The following RYR1 variants were observed in gnomAD, a reference collection of about 807,000 sequenced individuals.
RYR1 encodes the protein central core disease of muscle.
A neutral mutation model predicts 583.5 loss-of-function variants in RYR1; 342 were observed. That is an observed-to-expected ratio of 0.59 (90% CI 0.54 to 0.64). The LOEUF (loss-of-function observed/expected upper bound fraction) is 0.64. RYR1 is among the 30% of genes least tolerant of loss of function. The probability of loss-of-function intolerance (pLI) is 0.00; values close to 1 mark genes in which losing one functional copy is unlikely to be tolerated. For synonymous variants in RYR1, 2,791 were observed against 2,822.5 expected (o/e 0.99, Z 0.35); for missense variants, 6,032 against 6,917.2 (o/e 0.87, Z 4.54).
intron 26 of RYR1, 34 bp from the exon 27 acceptor site, chr19:38,469,271 C>T (rs1405320754): frequency 6.2e-7 from 1 of 1,611,410 alleles, no homozygotes; most frequent in Admixed American, 1.7e-5. Context: ...TGCCCACCTG[C>T]CCTCACCCCT....
At chr19:38,503,459 C>T (rs537061706) in intron 49 of RYR1, among the ~76,000 whole-genome samples, 21 of 152,262 alleles carry the variant, frequency 1.4e-4, no homozygotes, top group African/African-American at 5.1e-4. Flanking sequence ...CATAATACAT[C>T]GAAATCAGCT....
At chr19:38,535,670 GCT>G in intron 81 of RYR1, 1 of 594,456 alleles carries the variant, frequency 1.7e-6, no homozygotes, top group Non-Finnish European at 3.0e-6. Context: ...AGATTTAGGA[GCT>G]CTCTGATGAT....
chr19:38,566,793 A>G, intron 91 of RYR1, 118 bp from the exon 92 acceptor site: 21 of 1,517,506 alleles, frequency 1.4e-5, no homozygotes, highest in Non-Finnish European at 1.9e-5. Context: ...GGTGGAGGGA[A>G]GTGTAAAACT....
intron 28 of RYR1, 136 bp downstream of exon 28, chr19:38,473,907 A>C: frequency 1.5e-6 from 1 of 666,772 alleles, no homozygotes; most frequent in South Asian, 2.0e-5. Context: ...GAATACCGAG[A>C]GATTCTATCA....
At chr19:38,495,608 A>G (rs1160727487) in intron 39 of RYR1, among the ~76,000 whole-genome samples, 2 of 152,030 alleles carry the variant, frequency 1.3e-5, no homozygotes, top group Non-Finnish European at 2.9e-5. Flanking sequence ...TGGCCTCCCA[A>G]AGGGCTGGAA....
intron 88 of RYR1, among the ~76,000 whole-genome samples, chr19:38,547,268 G>T (rs1464819727): frequency 6.7e-6 from 1 of 150,340 alleles, no homozygotes; most frequent in Non-Finnish European, 1.5e-5. Context: ...GGTCAGGATG[G>T]TCTGGATCTC....
chr19:38,477,897 GTGCA>G, intron 30 of RYR1, 27 bp downstream of exon 30: 2 of 1,483,094 alleles, frequency 1.3e-6, no homozygotes, highest in Non-Finnish European at 9.3e-7. Flanking sequence ...GAGGTGGGAG[GTGCA>G]GGGTGGGGAG....
At chr19:38,573,892 G>C (rs1004585858) in intron 96 of RYR1, among the ~76,000 whole-genome samples, 1 of 151,984 alleles carries the variant, frequency 6.6e-6, no homozygotes, top group Non-Finnish European at 1.5e-5. Flanking sequence ...CCAGGAACCC[G>C]TGTTTTAAAC....
intron 38 of RYR1, among the ~76,000 whole-genome samples, chr19:38,493,397 A>C (rs2145573745): frequency 1.3e-5 from 2 of 152,314 alleles, no homozygotes; most frequent in Middle Eastern, 6.8e-3. Flanking sequence ...CACAACATTC[A>C]GGAAACTTTT....
intron 89 of RYR1, among the ~76,000 whole-genome samples, chr19:38,551,930 A>C (rs1972683549): frequency 6.6e-6 from 1 of 152,024 alleles, no homozygotes; most frequent in African/African-American, 2.4e-5. Context: ...CAGCAACCCT[A>C]CATGGTAAAA....
chr19:38,517,683 G>A lies in RYR1; in HGVS notation c.10010G>A (p.Arg3337Gln), dbSNP rs868761398. 8.1e-6 allele frequency: 13 copies of A among 1,614,042 alleles called. No individual in the cohort carries two copies. The highest frequency in any genetic ancestry group is 3.3e-5 in the Admixed American group (2 of 60,006). ...ATTGACGAGGCCTCCTGGATGAAGC[G>A]GCTGGCTGGTGGGTCGGGGGGCACT... ...LGIDEASWMK[R>Q]LAVFAQPIVS... Residue 3337 changes from arginine (R) to glutamine (Q), a missense_variant, in exon 66 of 106, where the codon CGG (arginine) becomes CAG (glutamine). This residue lies in a region of RYR1 where 1,493 missense variants were observed against 1,715.5 expected (regional missense o/e 0.87). Coordinates refer to ENST00000359596, the MANE Select transcript of RYR1 (RefSeq NM_000540.3).
intron 31 of RYR1, among the ~76,000 whole-genome samples, chr19:38,479,192 C>T (rs1300418411): frequency 1.3e-5 from 2 of 152,194 alleles, no homozygotes; most frequent in African/African-American, 4.8e-5. Context: ...TGGCCTTTTC[C>T]TTTTCAACAT....
Position 38,483,533 on chromosome 19 carries a change from C to A in RYR1, c.4934+17C>A, listed in dbSNP as rs1298811318. The A allele has an allele frequency of 3.3e-6, 5 of 1,537,778 alleles. No homozygotes were observed. The Admixed American group carries it at 9.8e-5, about 30-fold the overall frequency. On this transcript the variant is annotated intron_variant, in intron 33 of 105. Coordinates refer to ENST00000359596, the MANE Select transcript of RYR1 (RefSeq NM_000540.3). The surrounding 1 kb of genome is among the most constrained non-coding windows in gnomAD (Gnocchi z 6.3). ...GGAGAACCGGTCAGGGCCAGCCCAG[C>A]TATGCAGGGGTGGGCAGGTGTTGCA...
In RYR1 at chr19:38,534,802, T is replaced by C; in HGVS notation, c.11342T>C (p.Met3781Thr). Residue 3781 changes from methionine (M) to threonine (T), a missense_variant, in exon 79 of 106, where the codon ATG (methionine) becomes ACG (threonine). Physicochemically the swap from Met to Thr is moderately conservative, Grantham distance 81. Around this residue, in one of 11 missense-constraint regions of RYR1, gnomAD observed 1,493 missense variants for 1,715.5 expected, o/e 0.87. Coordinates refer to ENST00000359596, the MANE Select transcript of RYR1 (RefSeq NM_000540.3). ...TRGAAEMVLQ[M>T]ISACKGETGA... is the part of the protein sequence containing the mutation. Reference sequence around the variant, plus strand: ...GGGGCGGCCGAGATGGTGCTGCAGATGATCAGTGCCTGCAAAGGTGCCCCT... The same window carrying C: ...GGGGCGGCCGAGATGGTGCTGCAGACGATCAGTGCCTGCAAAGGTGCCCCT... 6.2e-7 allele frequency: 1 copy of C among 1,613,128 alleles called. No individual in the cohort carries two copies. Among genetic ancestry groups the C allele is most frequent in the South Asian group, 1.1e-5 (1 of 90,682 alleles).
chr19:38,528,528 T>G, intron 74 of RYR1, 71 bp from the exon 75 acceptor site: 1 of 1,596,886 alleles, frequency 6.3e-7, no homozygotes, highest in Non-Finnish European at 8.6e-7. Context: ...GGTTGGGGGC[T>G]GCAGGCGCAT....
intron 27 of RYR1, among the ~76,000 whole-genome samples, chr19:38,469,861 G>A (rs1568466143): frequency 6.6e-6 from 1 of 152,010 alleles, no homozygotes. Context: ...GAGCCCAGGA[G>A]TTCAAGACCA....
intron 36 of RYR1, 106 bp downstream of exon 36, chr19:38,490,382 C>G: frequency 8.9e-7 from 1 of 1,128,300 alleles, no homozygotes; most frequent in Non-Finnish European, 1.3e-6. Flanking sequence ...CGTGCTTGAC[C>G]CCTGACCCTA....
chr19:38,502,851 G>A (rs780267023), intron 48 of RYR1, 29 bp from the exon 49 acceptor site: 41 of 1,600,490 alleles, frequency 2.6e-5, no homozygotes, highest in African/African-American at 8.1e-5. Context: ...CTGGACGGGG[G>A]ATTCTACATC....
At chr19:38,441,583 G>A (rs1339213374) in intron 2 of RYR1, among the ~76,000 whole-genome samples, 1 of 151,594 alleles carries the variant, frequency 6.6e-6, no homozygotes, top group Admixed American at 6.6e-5. Flanking sequence ...CGAGGGCCTT[G>A]GATCCAAGGC....
Sources: gnomAD v4.1 joint callset for allele counts (sites outside exome capture counted in the v4.1 genomes callset) on GRCh38, gnomAD v4.1.1 for gene constraint, gnomAD v4.1.1 regional missense constraint, Gnocchi (gnomAD v3.1) non-coding constraint, MANE v1.5 for transcripts, NCBI Gene and HGNC (gene_info 2026-07-23, HGNC 2026-07-21) for gene names.